Variants in NFIB observed in about 807,000 individuals in gnomAD.
NFIB encodes the protein nuclear factor I B, also known as nuclear factor 1 B-type.
Under a neutral mutation model 61.5 loss-of-function variants are expected in NFIB, and 11 were observed. The ratio of observed to expected loss-of-function variants is 0.18; its 90% CI spans 0.11 to 0.30. The LOEUF is 0.30. NFIB is among the 10% of genes least tolerant of loss of function. The pLI is 1.00. For synonymous variants in NFIB, 260 were observed against 216.5 expected (o/e 1.20, Z -1.76); for missense variants, 471 against 608.9 (o/e 0.77, Z 2.38).
At chr9:14,283,727 G>A (rs939075728) in intron 2 of NFIB, among the ~76,000 whole-genome samples, 6 of 152,190 alleles carry the variant, frequency 3.9e-5, no homozygotes, top group Admixed American at 1.3e-4. Context: ...AATGTTGTGC[G>A]TTGGCATCCA....
chr9:14,358,572 C>A (rs1437544827), intron 1 of NFIB, among the ~76,000 whole-genome samples: 7 of 152,184 alleles, frequency 4.6e-5, no homozygotes, highest in African/African-American at 1.7e-4. Context: ...ACACTGAGGA[C>A]TGAGGTGGAT....
At chr9:14,481,218 T>TATATATATATGTATATATATATGTAC in the NFIB span, among the ~76,000 whole-genome samples, 48 of 114,210 alleles carry the variant, frequency 4.2e-4, 1 homozygote, top group Non-Finnish European at 7.1e-4. Context: ...TATATATATA[T>TATATATATATGTATATATATATGTAC]ATATATATAT....
chr9:14,227,324 T>C (rs1182728290), intron 2 of NFIB, among the ~76,000 whole-genome samples: 2 of 152,212 alleles, frequency 1.3e-5, no homozygotes, highest in Non-Finnish European at 2.9e-5. Flanking sequence ...TGTGATATCC[T>C]TGAGGATAGA....
the NFIB span, among the ~76,000 whole-genome samples, chr9:14,511,263 T>G: frequency 3.9e-5 from 6 of 152,130 alleles, no homozygotes; most frequent in Non-Finnish European, 5.9e-5. Context: ...TTATATTTTT[T>G]TGTGTGTATG....
chr9:14,261,405 T>C (rs1038731837), intron 2 of NFIB, among the ~76,000 whole-genome samples: 1 of 152,234 alleles, frequency 6.6e-6, no homozygotes, highest in Non-Finnish European at 1.5e-5. Flanking sequence ...TGTTTGAAGA[T>C]AATATATACC....
chr9:14,379,009 G>C (rs995098264), intron 1 of NFIB, among the ~76,000 whole-genome samples: 1 of 152,126 alleles, frequency 6.6e-6, no homozygotes, highest in Non-Finnish European at 1.5e-5. Context: ...AGAGAGGCAC[G>C]CATTGTTGCT....
intron 1 of NFIB, among the ~76,000 whole-genome samples, chr9:14,337,568 T>C (rs982403549): frequency 2.0e-5 from 3 of 152,250 alleles, no homozygotes; most frequent in African/African-American, 7.2e-5. Context: ...TTTATGTGTA[T>C]ACTCGGAAGT....
Position 14,092,358 on chromosome 9 carries a change from A to G in NFIB, c.1468-4032T>C, listed in dbSNP as rs558925244. Among the ~76,000 whole-genome samples, 3 of 152,182 alleles carry G rather than the reference A, an allele frequency of 2.0e-5. No homozygotes were observed. In the South Asian group the frequency reaches 6.2e-4, roughly 32 times the overall value. On this transcript the variant is annotated intron_variant, in intron 10 of 10. Transcript: ENST00000380953. The stretch of plus-strand genomic sequence containing the variant: ...CATGGTACCATCTTTGGTGTTTTAC[A>G]TATGCTACACCACTTAATTTTCTCA...
chr9:14,306,459 T>A (rs547695193), intron 2 of NFIB, among the ~76,000 whole-genome samples: 1 of 152,196 alleles, frequency 6.6e-6, no homozygotes, highest in East Asian at 1.9e-4. Flanking sequence ...CTTTTGATAT[T>A]ATCTATCTTA....
chr9:14,341,768 C>T (rs2060953399), intron 1 of NFIB, among the ~76,000 whole-genome samples: 1 of 152,084 alleles, frequency 6.6e-6, no homozygotes, highest in African/African-American at 2.4e-5. Context: ...TTGCCAGTTG[C>T]TGTTACAACC....
intron 2 of NFIB, among the ~76,000 whole-genome samples, chr9:14,286,299 C>A (rs2058705781): frequency 1.3e-5 from 2 of 152,134 alleles, no homozygotes; most frequent in South Asian, 4.2e-4. Context: ...CACTCAGAAC[C>A]CAATGCAATT....
chr9:14,335,630 T>C (rs1014271160), intron 1 of NFIB, among the ~76,000 whole-genome samples: 1 of 152,190 alleles, frequency 6.6e-6, no homozygotes, highest in Admixed American at 6.5e-5. Flanking sequence ...TCTGCCACAC[T>C]GTGGTTTTGC....
chr9:14,273,687 CTA>C (rs1371663275), intron 2 of NFIB, among the ~76,000 whole-genome samples: 3 of 152,172 alleles, frequency 2.0e-5, no homozygotes, highest in Admixed American at 2.0e-4. Context: ...AGAAAGAGGG[CTA>C]CATAAAATTC....
intron 1 of NFIB, among the ~76,000 whole-genome samples, chr9:14,320,113 A>T (rs1482096110): frequency 6.6e-6 from 1 of 152,232 alleles, no homozygotes; most frequent in Non-Finnish European, 1.5e-5. Context: ...GTCTGACCAT[A>T]TTAAAATTAA....
Position 14,336,375 on chromosome 9 carries a change from T to C in NFIB, c.109-28855A>G, listed in dbSNP as rs1354928494. The stretch of plus-strand genomic sequence containing the variant: ...TTAACCAAATTATCATCAGCTATTA[T>C]GGTAACTGACCACCAGCTGAGCACC... On this transcript the variant is annotated intron_variant, in intron 1 of 8. Transcript: ENST00000380934. 4.6e-5 allele frequency among the ~76,000 whole-genome samples: 7 copies of C among 152,348 alleles called. No individual in the cohort carries two copies. In the South Asian group the frequency reaches 8.3e-4, roughly 18 times the overall value.
intron 1 of NFIB, among the ~76,000 whole-genome samples, chr9:14,352,150 A>G: frequency 6.6e-6 from 1 of 152,252 alleles, no homozygotes; most frequent in East Asian, 1.9e-4. Context: ...AAATAAAATC[A>G]TAAAAGGAAC....
chr9:14,427,357 G>A, the NFIB span, among the ~76,000 whole-genome samples: 1 of 152,072 alleles, frequency 6.6e-6, no homozygotes, highest in Admixed American at 6.5e-5. Context: ...GCCTATATTA[G>A]CTTATTCAGT....
intron 2 of NFIB, among the ~76,000 whole-genome samples, chr9:14,255,850 T>A (rs1288877203): frequency 6.6e-6 from 1 of 152,204 alleles, no homozygotes; most frequent in African/African-American, 2.4e-5. Context: ...TTGGAAAACA[T>A]TGAATTCAAC....
intron 1 of NFIB, among the ~76,000 whole-genome samples, chr9:14,334,822 A>C (rs762883269): frequency 6.6e-6 from 1 of 152,208 alleles, no homozygotes; most frequent in Non-Finnish European, 1.5e-5. Context: ...AAATGTTTAT[A>C]TGCCTCTTGG....
Sources: gnomAD v4.1 joint callset for allele counts (sites outside exome capture counted in the v4.1 genomes callset) on GRCh38, gnomAD v4.1.1 for gene constraint, MANE v1.5 for transcripts, NCBI Gene and HGNC (gene_info 2026-07-23, HGNC 2026-07-21) for gene names.